RPH3AL: variants seen among roughly 807,000 people sequenced by gnomAD.
The protein encoded by RPH3AL is rab effector Noc2.
Under a neutral mutation model 43.1 loss-of-function variants are expected in RPH3AL, and 38 were observed. The ratio of observed to expected loss-of-function variants is 0.88; its 90% CI spans 0.68 to 1.15. The LOEUF is 1.15. RPH3AL is among the 50% of genes most tolerant of loss of function. RPH3AL has a pLI of 0.00. For missense variants in RPH3AL, 462 were observed against 423.2 expected (o/e 1.09, Z -0.81); for synonymous variants, 189 against 176.3 (o/e 1.07, Z -0.57).
rs972790486 is a variant in RPH3AL at position 322,721 on chromosome 17, C to A, written c.78-1306G>T. On this transcript the variant is annotated intron_variant, in intron 3 of 9. Transcript: ENST00000331302. This position sits in a 1 kb window ranked among gnomAD's most constrained non-coding sequence, Gnocchi z 4.0. The stretch of plus-strand genomic sequence containing the variant: ...ACCCTTTCCTGGGGGCCCCCTGACA[C>A]AAGATGGGCCCCGGTGGTCTCATGT... Among the ~76,000 whole-genome samples the A allele has an allele frequency of 6.6e-6, 1 of 151,958 alleles. No individual in the cohort carries two copies. The highest frequency in any genetic ancestry group is 6.5e-5 in the Admixed American group (1 of 15,270).
chr17:323,477 C>A lies in RPH3AL; in HGVS notation c.78-2062G>T, dbSNP rs547408868. On this transcript the variant is annotated intron_variant, in intron 3 of 9. Coordinates refer to ENST00000331302, the MANE Select transcript of RPH3AL (RefSeq NM_006987.4). This position sits in a 1 kb window ranked among gnomAD's most constrained non-coding sequence, Gnocchi z 4.4. ...AGCAATATCCCCTCCACAACCCCTA[C>A]CTACTGGTTTGTTCCATCTGAGCAT... 7.6e-4 allele frequency among the ~76,000 whole-genome samples: 116 copies of A among 152,268 alleles called. 1 individual carries two copies. In the Middle Eastern group the frequency reaches 0.017, roughly 22 times the overall value.
intron 5 of RPH3AL, among the ~76,000 whole-genome samples, chr17:291,486 G>A (rs1225953566): frequency 6.6e-6 from 1 of 152,140 alleles, no homozygotes; most frequent in African/African-American, 2.4e-5. Context: ...GTTTCTCATT[G>A]GGAACCGCGC....
chr17:293,591 C>T (rs1007234820), intron 5 of RPH3AL, among the ~76,000 whole-genome samples: 1 of 152,118 alleles, frequency 6.6e-6, no homozygotes, highest in Non-Finnish European at 1.5e-5. Context: ...CGGCAGGACA[C>T]GGGAAACAGG....
At chr17:282,926 C>T (rs538294372) in intron 5 of RPH3AL, among the ~76,000 whole-genome samples, 5 of 152,184 alleles carry the variant, frequency 3.3e-5, no homozygotes, top group Admixed American at 6.5e-5. Context: ...CTGGCCGAAA[C>T]GTCATTATGT....
intron 5 of RPH3AL, among the ~76,000 whole-genome samples, chr17:314,341 C>A (rs1038956049): frequency 6.6e-6 from 1 of 152,160 alleles, no homozygotes; most frequent in Non-Finnish European, 1.5e-5. Context: ...ACACTGCCAG[C>A]TCCCGTTCTC....
chr17:331,343 C>T (rs1567530042), intron 2 of RPH3AL: 1 of 50,804 alleles, frequency 2.0e-5, no homozygotes, highest in Non-Finnish European at 4.1e-5. Context: ...GCCTCCAGAG[C>T]TGGGGCCACG....
chr17:266,837 T>G (rs374399919), intron 6 of RPH3AL, among the ~76,000 whole-genome samples: 1 of 152,244 alleles, frequency 6.6e-6, no homozygotes, highest in African/African-American at 2.4e-5. Flanking sequence ...CTGGCTCCTG[T>G]GAGGCTTCTA....
intron 5 of RPH3AL, among the ~76,000 whole-genome samples, chr17:317,268 C>A (rs1298469563): frequency 6.6e-6 from 1 of 151,828 alleles, no homozygotes; most frequent in Non-Finnish European, 1.5e-5. Context: ...CCCTGTGCCC[C>A]ACCTCCATTG....
chr17:308,092 T>C lies in RPH3AL; in HGVS notation c.351+11328A>G, dbSNP rs1412064987. 2.0e-5 allele frequency among the ~76,000 whole-genome samples: 3 copies of C among 152,218 alleles called. No homozygotes were observed. The East Asian group carries it at 5.8e-4, about 29-fold the overall frequency. On this transcript the variant is annotated intron_variant, in intron 5 of 9. Transcript: ENST00000331302. ...AGTCGCTGAATGAAAAAATCCATCT[T>C]TGTAATGAGGGGCAAACACTCGTCT...
intron 6 of RPH3AL, among the ~76,000 whole-genome samples, chr17:272,996 GAGACCCCAGCGAGGGCGACA>G (rs2042532020): frequency 8.4e-6 from 1 of 119,472 alleles, no homozygotes; most frequent in Admixed American, 8.0e-5. Context: ...ACGTCAGGGT[GAGACCCCAGCGAGGGCGACA>G]TCAGGAAGAG....
At position 274,163 on chromosome 17, in the gene RPH3AL, C is replaced by A. The variant is rs2042598894; in HGVS notation, c.438+7605G>T. Among the ~76,000 whole-genome samples the A allele has an allele frequency of 6.6e-6, 1 of 152,232 alleles. No homozygotes were observed. The highest frequency in any genetic ancestry group is 1.5e-5 in the Non-Finnish European group (1 of 68,044). ...GCAACATCCTGTGCTTAGAAGCCGC[C>A]AGGGCCGTTCCTCCCAGCCCCAACT... On this transcript the variant is annotated intron_variant, in intron 6 of 9. Coordinates refer to ENST00000331302, the MANE Select transcript of RPH3AL (RefSeq NM_006987.4). This position sits in a 1 kb window ranked among gnomAD's most constrained non-coding sequence, Gnocchi z 4.7.
At chr17:222,566 G>GT (rs1188436580) in intron 7 of RPH3AL, among the ~76,000 whole-genome samples, 8 of 152,338 alleles carry the variant, frequency 5.3e-5, no homozygotes, top group African/African-American at 1.9e-4. Flanking sequence ...GTAATCAACA[G>GT]TGAGAGTCAT....
At chr17:232,332 C>T (rs971492249) in intron 7 of RPH3AL, among the ~76,000 whole-genome samples, 1 of 152,230 alleles carries the variant, frequency 6.6e-6, no homozygotes, top group African/African-American at 2.4e-5. Flanking sequence ...CGGAGACGCA[C>T]AGCGCCCAGG....
chr17:253,365 C>G (rs1176075583), intron 6 of RPH3AL, among the ~76,000 whole-genome samples: 1 of 152,140 alleles, frequency 6.6e-6, no homozygotes, highest in East Asian at 1.9e-4. Context: ...CTAAGACACC[C>G]CACAGAGCTG....
intron 7 of RPH3AL, among the ~76,000 whole-genome samples, chr17:224,660 G>A (rs2041065751): frequency 6.6e-6 from 1 of 152,202 alleles, no homozygotes; most frequent in African/African-American, 2.4e-5. Context: ...CTGTACACTG[G>A]AGCAAGAGTG....
chr17:314,431 C>T (rs866735921), intron 5 of RPH3AL, among the ~76,000 whole-genome samples: 4,123 of 109,222 alleles, frequency 0.038, 194 homozygotes, highest in Middle Eastern at 0.056. Flanking sequence ...ACATGTAGTC[C>T]CTCTGCCCCC....
chr17:281,387 G>A (rs1485595765), intron 6 of RPH3AL, among the ~76,000 whole-genome samples: 1 of 152,078 alleles, frequency 6.6e-6, no homozygotes, highest in African/African-American at 2.4e-5. Context: ...ACTTATGGCA[G>A]TGCCAGGCAC....
intron 7 of RPH3AL, among the ~76,000 whole-genome samples, chr17:223,940 C>A (rs1183779145): frequency 6.6e-6 from 1 of 151,312 alleles, no homozygotes; most frequent in Non-Finnish European, 1.5e-5. Context: ...TCACCCCCAG[C>A]AGAGAGGCCA....
At chr17:352,344 C>G (rs558748547) in intron 1 of RPH3AL, among the ~76,000 whole-genome samples, 2 of 152,348 alleles carry the variant, frequency 1.3e-5, no homozygotes, top group South Asian at 4.1e-4. Context: ...CCCCACTCCC[C>G]CAAATCCATC....
Sources: allele counts gnomAD v4.1 joint callset (sites outside exome capture counted in the v4.1 genomes callset), GRCh38; gene constraint gnomAD v4.1.1; non-coding constraint Gnocchi (gnomAD v3.1); transcripts MANE v1.5; gene names NCBI Gene and HGNC (gene_info 2026-07-23, HGNC 2026-07-21).